The following DYRK1A variants were observed in gnomAD, a reference collection of about 807,000 sequenced individuals.
DYRK1A encodes the protein dual specificity tyrosine-phosphorylation-regulated kinase 1A.
Under a neutral mutation model 79.7 loss-of-function variants are expected in DYRK1A, and 9 were observed. That is an observed-to-expected ratio of 0.11 (90% CI 0.07 to 0.20). DYRK1A has a LOEUF of 0.20. Among genes scored for constraint, DYRK1A ranks in the 10% least tolerant of loss-of-function variants. The pLI, the probability that DYRK1A is intolerant of heterozygous loss-of-function variation, is 1.00. For missense variants in DYRK1A, 622 were observed against 956.0 expected (o/e 0.65, Z 4.61); for synonymous variants, 349 against 329.7 (o/e 1.06, Z -0.63).
intron 2 of DYRK1A, among the ~76,000 whole-genome samples, chr21:37,439,922 A>AAT (rs952895246): frequency 3.3e-4 from 50 of 152,060 alleles, no homozygotes; most frequent in African/African-American, 1.2e-3. Flanking sequence ...TTAAACTGAT[A>AAT]ATAGTGTTTG....
chr21:37,372,171 T>C (rs757191199), intron 1 of DYRK1A, among the ~76,000 whole-genome samples: 4 of 151,952 alleles, frequency 2.6e-5, no homozygotes, highest in Non-Finnish European at 4.4e-5. Flanking sequence ...AGGCCTGGCG[T>C]GGTGGCTCAC....
At chr21:37,483,278 G>T (rs144103661) in intron 5 of DYRK1A, among the ~76,000 whole-genome samples, 1 of 152,158 alleles carries the variant, frequency 6.6e-6, no homozygotes, top group Non-Finnish European at 1.5e-5. Flanking sequence ...TTCTTCTGCC[G>T]TGGCTTCAGC....
intron 2 of DYRK1A, among the ~76,000 whole-genome samples, chr21:37,439,025 T>G (rs369530704): frequency 6.6e-6 from 1 of 152,210 alleles, no homozygotes; most frequent in East Asian, 1.9e-4. Flanking sequence ...TTTGTCAGGT[T>G]TATGCCTAAG....
In DYRK1A at chr21:37,514,284, A is replaced by G. The variant is rs943529821; in HGVS notation, c.*1753A>G. On this transcript the variant is annotated 3_prime_UTR_variant, in exon 12 of 12. Coordinates refer to ENST00000647188, the MANE Select transcript of DYRK1A (RefSeq NM_001347721.2). The stretch of plus-strand genomic sequence containing the variant: ...CTCGTGTTGAGATTACGCTGCCTTA[A>G]TGTAACACAGTCTGGCAGTTGCTAA... 2.6e-5 allele frequency: 4 copies of G among 152,638 alleles called. No homozygotes were observed. Among genetic ancestry groups the G allele is most frequent in the Non-Finnish European group, 4.4e-5 (3 of 68,032 alleles). The allele number at this position is 152,638 out of a possible 1,614,324, so 9.5% of individuals were successfully genotyped here.
chr21:37,381,281 G>T (rs925439366), intron 1 of DYRK1A, among the ~76,000 whole-genome samples: 1 of 152,192 alleles, frequency 6.6e-6, no homozygotes, highest in Non-Finnish European at 1.5e-5. Context: ...AAAAGGAAAA[G>T]ATGAAGTTTT....
At chr21:37,495,538 A>C (rs1032338819) in intron 8 of DYRK1A, among the ~76,000 whole-genome samples, 1 of 152,130 alleles carries the variant, frequency 6.6e-6, no homozygotes, top group African/African-American at 2.4e-5. Flanking sequence ...AGGCTGAGGC[A>C]GGAGAATTGC....
chr21:37,378,160 C>T (rs1409187725), intron 1 of DYRK1A, among the ~76,000 whole-genome samples: 1 of 152,190 alleles, frequency 6.6e-6, no homozygotes, highest in African/African-American at 2.4e-5. Flanking sequence ...TGAGTTTGAA[C>T]ACCTTAAGTT....
At chr21:37,417,809 C>G (rs188928708) in intron 1 of DYRK1A, among the ~76,000 whole-genome samples, 1 of 151,956 alleles carries the variant, frequency 6.6e-6, no homozygotes, top group African/African-American at 2.4e-5. Context: ...CTGGATTGTT[C>G]GTAGACCTTC....
At position 37,382,102 on chromosome 21, in the gene DYRK1A, A is replaced by G. The variant is rs1047164105; in HGVS notation, c.-77+14474A>G. Among the ~76,000 whole-genome samples, 9 of 152,224 alleles carry G rather than the reference A, an allele frequency of 5.9e-5. No homozygotes were observed. In the East Asian group the frequency reaches 1.7e-3, roughly 29 times the overall value. ...AATATTTGGAAAAGCAAATCATCACATAATTCCTGCAGGTCTCTTTGTGCC... is the reference window on the plus strand; with the variant it reads ...AATATTTGGAAAAGCAAATCATCACGTAATTCCTGCAGGTCTCTTTGTGCC... On this transcript the variant is annotated intron_variant, in intron 1 of 11. Coordinates refer to ENST00000647188, the MANE Select transcript of DYRK1A (RefSeq NM_001347721.2).
chr21:37,479,606 G>GGTTTTTTTTTTTTTTTT (rs2052536883), intron 4 of DYRK1A, among the ~76,000 whole-genome samples: 1 of 27,594 alleles, frequency 3.6e-5, no homozygotes, highest in Non-Finnish European at 6.9e-5. Flanking sequence ...TTTTGTTTTT[G>GGTTTTTTTTTTTTTTTT]TTTTTGTTTT....
In DYRK1A at chr21:37,519,736, G is replaced by GTTTTTTTTGTTTTTTTGTTTTTTTTT. The variant is rs58947386; in HGVS notation, c.*7213_*7214insGTTTTTTTGTTTTTTTTTTTTTTTTT. ...AGAGTTTTGAGGTTTGTTGTGGGAA[G>GTTTTTTTTGTTTTTTTGTTTTTTTTT]TTTTTTTTTTTTTTTTTTTTTTTGA... is the stretch of plus-strand genomic sequence containing the variant. On this transcript the variant is annotated 3_prime_UTR_variant, in exon 12 of 12. Coordinates refer to ENST00000647188, the MANE Select transcript of DYRK1A (RefSeq NM_001347721.2). 1 of 85,802 alleles carries GTTTTTTTTGTTTTTTTGTTTTTTTTT rather than the reference G, an allele frequency of 1.2e-5. No individual in the cohort carries two copies. Among genetic ancestry groups the GTTTTTTTTGTTTTTTTGTTTTTTTTT allele is most frequent in the African/African-American group, 4.9e-5 (1 of 20,580 alleles). The allele number at this position is 85,802 out of a possible 1,614,324, so 5.3% of individuals were successfully genotyped here. A position where few individuals can be genotyped will look rare whatever the true frequency, so the allele number is the denominator to read the frequency against.
Position 37,517,623 on chromosome 21 carries a change from G to C in DYRK1A, c.*5092G>C, listed in dbSNP as rs970706649. The C allele has an allele frequency of 6.6e-6, 1 of 152,264 alleles. No individual in the cohort carries two copies. Among genetic ancestry groups the C allele is most frequent in the Non-Finnish European group, 1.5e-5 (1 of 68,120 alleles). 9.4% of individuals were successfully genotyped at this position (152,264 alleles called of 1,614,324 possible). A position where few individuals can be genotyped will look rare whatever the true frequency, so the allele number is the denominator to read the frequency against. ...GGGTGTGTGTGGTAGTTCTGCACTA[G>C]GGTGGCCAGGAAGCAGCCAAGCAGG... On this transcript the variant is annotated 3_prime_UTR_variant, in exon 12 of 12. Coordinates refer to ENST00000647188, the MANE Select transcript of DYRK1A (RefSeq NM_001347721.2).
chr21:37,479,817 C>T (rs147443023), intron 4 of DYRK1A, among the ~76,000 whole-genome samples: 5,278 of 151,436 alleles, frequency 0.035, 140 homozygotes, highest in Middle Eastern at 0.054. Context: ...TTAGTAGAGA[C>T]GGGGTTTCAC....
intron 1 of DYRK1A, among the ~76,000 whole-genome samples, chr21:37,399,348 AC>A (rs2050013717): frequency 1.3e-5 from 2 of 152,056 alleles, no homozygotes; most frequent in South Asian, 4.1e-4. Flanking sequence ...GATTGCTGCT[AC>A]CCCATTATGA....
At chr21:37,382,451 TTTATTTATAATTTCTTGAAC>T (rs2049676507) in intron 1 of DYRK1A, among the ~76,000 whole-genome samples, 1 of 152,148 alleles carries the variant, frequency 6.6e-6, no homozygotes. Flanking sequence ...GATTTACTTA[TTTATTTATAATTTCTTGAAC>T]TTAGTTTTGG....
chr21:37,512,602 G>T lies in DYRK1A; in HGVS notation c.*71G>T. 1 of 1,542,912 alleles carries T rather than the reference G, an allele frequency of 6.5e-7. No individual in the cohort carries two copies. The highest frequency in any genetic ancestry group is 2.3e-5 in the East Asian group (1 of 44,308). The stretch of plus-strand genomic sequence containing the variant: ...GGTGTTTTTTTTCCAAAAACAAAGT[G>T]CAAAGCTGCTTGAATCAGGAGGAGA... On this transcript the variant is annotated 3_prime_UTR_variant, in exon 12 of 12. Coordinates refer to ENST00000647188, the MANE Select transcript of DYRK1A (RefSeq NM_001347721.2).
intron 8 of DYRK1A, among the ~76,000 whole-genome samples, chr21:37,495,646 G>A (rs1357147136): frequency 6.6e-6 from 1 of 151,996 alleles, no homozygotes; most frequent in South Asian, 2.1e-4. Context: ...ACAAATAGCC[G>A]GGCATGGTGG....
At chr21:37,425,802 G>GT (rs576101939) in intron 2 of DYRK1A, 4 of 152,208 alleles carry the variant, frequency 2.6e-5, no homozygotes, top group Non-Finnish European at 5.9e-5. Flanking sequence ...GAGAGTGAAT[G>GT]TTGATAGCAA....
chr21:37,510,174 T>C (rs2053709912), intron 11 of DYRK1A, among the ~76,000 whole-genome samples: 1 of 152,266 alleles, frequency 6.6e-6, no homozygotes, highest in African/African-American at 2.4e-5. Context: ...TATAAATTCC[T>C]GAAAGCAGAA....
Sources: gnomAD v4.1 joint callset for allele counts (sites outside exome capture counted in the v4.1 genomes callset) on GRCh38, gnomAD v4.1.1 for gene constraint, MANE v1.5 for transcripts, NCBI Gene and HGNC (gene_info 2026-07-23, HGNC 2026-07-21) for gene names.